Variants in TYW1B observed in about 807,000 individuals in gnomAD.
TYW1B encodes the protein S-adenosyl-L-methionine-dependent tRNA 4-demethylwyosine synthase TYW1B.
TYW1B carries 73 observed loss-of-function variants against 86.9 expected under a neutral mutation model. The ratio of observed to expected loss-of-function variants is 0.84; its 90% CI spans 0.70 to 1.02. The LOEUF is 1.02. Ranked by LOEUF, TYW1B falls within the 50% of genes least tolerant of loss-of-function variation. TYW1B has a pLI of 0.00. For missense variants in TYW1B, 637 were observed against 827.4 expected, an observed-to-expected ratio of 0.77 and a Z score of 2.82; for synonymous variants, 248 against 292.8, an observed-to-expected ratio of 0.85 and a Z score of 1.56.
chr7:72,632,814 A>G (rs1178754709), intron 11 of TYW1B, among the ~76,000 whole-genome samples: 5 of 152,138 alleles, frequency 3.3e-5, no homozygotes, highest in African/African-American at 4.8e-5. Context: ...CTCACAAAAT[A>G]GATTGGATTA....
intron 13 of TYW1B, among the ~76,000 whole-genome samples, chr7:72,603,277 CGACA>C (rs1465133636): frequency 2.1e-5 from 3 of 140,392 alleles, no homozygotes; most frequent in African/African-American, 8.1e-5. Context: ...GACAGACAGA[CGACA>C]GACAAACAGA....
chr7:72,652,372 T>C, intron 11 of TYW1B, among the ~76,000 whole-genome samples: 1 of 94,378 alleles, frequency 1.1e-5, no homozygotes, highest in Admixed American at 1.4e-4. Context: ...AGCAAGACTC[T>C]GTCTGAAAAA....
chr7:72,795,475 C>T (rs1585989407), intron 6 of TYW1B, among the ~76,000 whole-genome samples: 1 of 152,034 alleles, frequency 6.6e-6, no homozygotes, highest in East Asian at 1.9e-4. Context: ...TCATTGTTTC[C>T]CCATGATGAG....
At chr7:72,698,481 C>T (rs1814377968) in intron 10 of TYW1B, among the ~76,000 whole-genome samples, 1 of 151,792 alleles carries the variant, frequency 6.6e-6, no homozygotes, top group East Asian at 1.9e-4. Context: ...CCCATCTCTA[C>T]TAAAAAATAC....
At chr7:72,687,142 C>T (rs112858506) in intron 11 of TYW1B, among the ~76,000 whole-genome samples, 1,757 of 152,198 alleles carry the variant, frequency 0.012, 38 homozygotes, top group African/African-American at 0.039. Flanking sequence ...AGAGTTTAAA[C>T]TGGCAAAGAC....
At chr7:72,741,023 C>A (rs1371697832) in intron 8 of TYW1B, among the ~76,000 whole-genome samples, 3 of 152,026 alleles carry the variant, frequency 2.0e-5, no homozygotes, top group African/African-American at 7.2e-5. Context: ...AACCACCATG[C>A]CAGGCCAAAA....
chr7:72,721,413 T>C (rs1188320686), intron 9 of TYW1B, among the ~76,000 whole-genome samples: 2 of 152,106 alleles, frequency 1.3e-5, no homozygotes, highest in African/African-American at 4.8e-5. Flanking sequence ...CACCTGTTGT[T>C]TCCTGACTTT....
intron 11 of TYW1B, among the ~76,000 whole-genome samples, chr7:72,677,628 T>C (rs2129569857): frequency 6.6e-6 from 1 of 152,246 alleles, no homozygotes; most frequent in African/African-American, 2.4e-5. Context: ...GCAGAAACTT[T>C]TTCTGCTTTT....
At chr7:72,666,160 T>A (rs1813456242) in intron 11 of TYW1B, among the ~76,000 whole-genome samples, 1 of 152,118 alleles carries the variant, frequency 6.6e-6, no homozygotes, top group African/African-American at 2.4e-5. Flanking sequence ...ACGCCTATAA[T>A]CCCAGTACTT....
chr7:72,716,669 C>T (rs529516072), intron 9 of TYW1B, among the ~76,000 whole-genome samples: 2 of 150,640 alleles, frequency 1.3e-5, no homozygotes, highest in Admixed American at 6.6e-5. Flanking sequence ...GACAGAGTCT[C>T]GCCCTGTTGC....
At chr7:72,775,277 G>A (rs1484223843) in intron 7 of TYW1B, among the ~76,000 whole-genome samples, 7 of 152,042 alleles carry the variant, frequency 4.6e-5, no homozygotes, top group Non-Finnish European at 1.0e-4. Flanking sequence ...AAATTTGTCC[G>A]AATTTCATGA....
At chr7:72,707,129 G>C (rs1814633163) in intron 10 of TYW1B, among the ~76,000 whole-genome samples, 1 of 152,244 alleles carries the variant, frequency 6.6e-6, no homozygotes, top group Non-Finnish European at 1.5e-5. Context: ...CTGCCCTGTA[G>C]ATCTGAGTGC....
At chr7:72,783,417 T>A (rs1370364910) in intron 6 of TYW1B, among the ~76,000 whole-genome samples, 1 of 151,288 alleles carries the variant, frequency 6.6e-6, no homozygotes, top group Non-Finnish European at 1.5e-5. Flanking sequence ...TTTATTCATG[T>A]TTAATTATAC....
intron 7 of TYW1B, among the ~76,000 whole-genome samples, chr7:72,759,781 C>A (rs541159599): frequency 2.6e-5 from 4 of 152,274 alleles, no homozygotes; most frequent in South Asian, 2.1e-4. Flanking sequence ...AATGCCTTTA[C>A]GAATTACAAC....
intron 11 of TYW1B, among the ~76,000 whole-genome samples, chr7:72,668,821 G>C (rs1813526029): frequency 1.3e-5 from 2 of 152,162 alleles, no homozygotes; most frequent in South Asian, 4.1e-4. Flanking sequence ...TTAAGTCTCA[G>C]TTCCGCTATC....
intron 6 of TYW1B, among the ~76,000 whole-genome samples, chr7:72,791,460 G>A (rs1168456303): frequency 1.3e-5 from 2 of 151,356 alleles, no homozygotes; most frequent in South Asian, 2.1e-4. Context: ...CTGACCTGAG[G>A]ACAATGGGAG....
chr7:72,704,457 A>G (rs1398450319), intron 10 of TYW1B, among the ~76,000 whole-genome samples: 103,139 of 137,408 alleles, frequency 0.75, 39,379 homozygotes, highest in Middle Eastern at 0.81. Flanking sequence ...AAAAAAAAAA[A>G]GTCCATCTTG....
At chr7:72,707,998 C>T (rs34386200) in intron 10 of TYW1B, among the ~76,000 whole-genome samples, 5,030 of 152,246 alleles carry the variant, frequency 0.033, 286 homozygotes, top group African/African-American at 0.11. Flanking sequence ...CTTTGCCTTC[C>T]GCCATGATTG....
chr7:72,710,364 T>C (rs1275157550), intron 10 of TYW1B, among the ~76,000 whole-genome samples: 1 of 152,188 alleles, frequency 6.6e-6, no homozygotes, highest in East Asian at 1.9e-4. Context: ...AAAACAGAAA[T>C]GGCAACCCTA....
Sources: allele counts gnomAD v4.1 joint callset (sites outside exome capture counted in the v4.1 genomes callset), GRCh38; gene constraint gnomAD v4.1.1; transcripts MANE v1.5; gene names NCBI Gene and HGNC (gene_info 2026-07-23, HGNC 2026-07-21).